The following CCNH variants were observed in gnomAD, a reference collection of about 807,000 sequenced individuals.
CCNH encodes cyclin H.
A neutral mutation model predicts 41.9 loss-of-function variants in CCNH; 31 were observed. The observed-to-expected ratio is 0.74, with a 90% confidence interval of 0.56 to 1.00. The LOEUF is 1.00. Ranked by LOEUF, CCNH falls within the 50% of genes least tolerant of loss-of-function variation. The probability of loss-of-function intolerance (pLI) is 0.00; values close to 1 mark genes in which losing one functional copy is unlikely to be tolerated. For synonymous variants in CCNH, 138 were observed against 136.1 expected (o/e 1.01, Z -0.10); for missense variants, 362 against 388.4 (o/e 0.93, Z 0.57).
chr5:87,331,980 T>C (rs1757634533), intron 9 of CCNH, among the ~76,000 whole-genome samples: 1 of 152,164 alleles, frequency 6.6e-6, no homozygotes, highest in Non-Finnish European at 1.5e-5. Flanking sequence ...CCATATTGTA[T>C]TGTTTCATTT....
intron 9 of CCNH, among the ~76,000 whole-genome samples, chr5:87,385,087 G>A (rs1761976974): frequency 6.6e-6 from 1 of 152,058 alleles, no homozygotes; most frequent in Non-Finnish European, 1.5e-5. Context: ...GCACTGATAA[G>A]CATATTCACT....
At chr5:87,409,205 TCA>T in intron 3 of CCNH, 83 bp downstream of exon 3, 1 of 677,528 alleles carries the variant, frequency 1.5e-6, no homozygotes. Context: ...TCTCTCTCTC[TCA>T]CAATTCTCTC....
intron 9 of CCNH, among the ~76,000 whole-genome samples, chr5:87,370,995 G>A (rs1393196168): frequency 6.6e-6 from 1 of 152,086 alleles, no homozygotes; most frequent in Non-Finnish European, 1.5e-5. Context: ...ATTTTTAGAT[G>A]AGAAAGGTAG....
intron 7 of CCNH, among the ~76,000 whole-genome samples, chr5:87,395,688 G>A (rs1762901165): frequency 6.6e-6 from 1 of 152,132 alleles, no homozygotes; most frequent in African/African-American, 2.4e-5. Flanking sequence ...CCTGAGCAAT[G>A]TGGCGAAACC....
intron 9 of CCNH, chr5:87,331,383 A>G (rs1466630342): frequency 1.2e-6 from 2 of 1,612,530 alleles, no homozygotes; most frequent in Non-Finnish European, 1.7e-6. Context: ...ACGATAGCAG[A>G]AGAACGCCTC....
intron 9 of CCNH, chr5:87,337,832 G>T: frequency 1.2e-6 from 1 of 820,968 alleles, no homozygotes; most frequent in Non-Finnish European, 1.7e-6. Flanking sequence ...CCAGAAATAG[G>T]ATACAAATTT....
exon 1 of CCNH, chr5:87,376,798 G>A: frequency 4.3e-6 from 6 of 1,398,850 alleles, no homozygotes; most frequent in Non-Finnish European, 6.0e-6. Context: ...AAGAACTTGT[G>A]AAAGAACATA....
At chr5:87,381,424 A>G (rs574290689), upstream of CCNH, among the ~76,000 whole-genome samples, 22 of 152,344 alleles carry the variant, frequency 1.4e-4, no homozygotes, top group African/African-American at 5.1e-4. Flanking sequence ...GGAATACAGC[A>G]GTTTTCTAAT....
In CCNH at chr5:87,376,786, A is replaced by T; in HGVS notation, n.395T>A. The T allele has an allele frequency of 4.5e-6, 6 of 1,341,592 alleles. No homozygotes were observed. The South Asian group carries it at 5.1e-5, about 11-fold the overall frequency. The allele number at this position is 1,341,592 out of a possible 1,614,324, so 83.1% of individuals were successfully genotyped here. On this transcript the variant is annotated non_coding_transcript_exon_variant, in exon 1 of 1. Coordinates refer to the CCNH transcript ENST00000607486. ...TATTCAATGGGACATCATTTTAAAT[A>T]TAAGAACTTGTGAAAGAACATATTT...
chr5:87,410,201 C>G (rs1211699211), intron 2 of CCNH, among the ~76,000 whole-genome samples: 4 of 151,956 alleles, frequency 2.6e-5, no homozygotes, highest in Non-Finnish European at 5.9e-5. Flanking sequence ...TTATGTAAAA[C>G]AAAAAATTAT....
intron 9 of CCNH, chr5:87,383,678 T>TAAA (rs368117332): frequency 1.2e-4 from 157 of 1,318,918 alleles, no homozygotes; most frequent in Non-Finnish European, 1.5e-4. Context: ...AGGTGTTTTC[T>TAAA]AAAAAAAAAA....
chr5:87,395,627 C>G (rs1051552492), intron 7 of CCNH, among the ~76,000 whole-genome samples: 13 of 152,172 alleles, frequency 8.5e-5, no homozygotes, highest in African/African-American at 3.1e-4. Context: ...AATCCCAGCT[C>G]TTTAGGAGGC....
At position 87,394,438 on chromosome 5, in the gene CCNH, TC is replaced by T. The variant is rs1762756139; in HGVS notation, c.*7del. ...ATTAGTTAGCATTGAGAAATCAACT[TC>T]AAATGGTTAGAGAGATTCTACCAGG... is the stretch of plus-strand genomic sequence containing the variant. On this transcript the variant is annotated 3_prime_UTR_variant, in exon 9 of 9. Coordinates refer to ENST00000256897, the MANE Select transcript of CCNH (RefSeq NM_001239.4). 6.2e-7 allele frequency: 1 copy of T among 1,612,276 alleles called. No homozygotes were observed. The highest frequency in any genetic ancestry group is 1.7e-5 in the Admixed American group (1 of 59,932).
intron 6 of CCNH, among the ~76,000 whole-genome samples, chr5:87,400,648 TA>T (rs1194315498): frequency 2.0e-5 from 3 of 152,234 alleles, no homozygotes; most frequent in African/African-American, 7.2e-5. Flanking sequence ...TGAAGCATCT[TA>T]AATTTTAAAA....
chr5:87,409,304 G>A lies in CCNH; in HGVS notation c.300C>T (p.His100=). Residue 100 remains histidine (H), a synonymous_variant, in exon 3 of 9, where the codon CAC becomes CAT. Coordinates refer to ENST00000256897, the MANE Select transcript of CCNH (RefSeq NM_001239.4). ...FYLNNSVMEY[H]PRIIMLTCAF... ...GACATACTCACATTATTATCCTGGGGTGATATTCCATTACTGAGTTATTAA... is the reference window on the plus strand; with the variant it reads ...GACATACTCACATTATTATCCTGGGATGATATTCCATTACTGAGTTATTAA... 1.9e-6 allele frequency: 3 copies of A among 1,552,986 alleles called. No individual in the cohort carries two copies. Among genetic ancestry groups the A allele is most frequent in the Non-Finnish European group, 2.7e-6 (3 of 1,125,874 alleles).
intron 9 of CCNH, among the ~76,000 whole-genome samples, chr5:87,351,928 A>G (rs1455139095): frequency 6.6e-6 from 1 of 151,798 alleles, no homozygotes; most frequent in Non-Finnish European, 1.5e-5. Context: ...TACTGAGCCC[A>G]AAAACCTTTG....
upstream of CCNH, among the ~76,000 whole-genome samples, chr5:87,380,042 C>T (rs1015929789): frequency 3.3e-5 from 5 of 152,150 alleles, no homozygotes; most frequent in Admixed American, 6.5e-5. Context: ...TATTTTCGTA[C>T]AAGCCAATAT....
At chr5:87,326,869 GA>G (rs1213490221) in intron 9 of CCNH, among the ~76,000 whole-genome samples, 2 of 151,948 alleles carry the variant, frequency 1.3e-5, no homozygotes, top group Non-Finnish European at 2.9e-5. Flanking sequence ...TGCCTTAGTA[GA>G]AAAAAAGATT....
chr5:87,375,998 C>T (rs1417043264), downstream of CCNH, among the ~76,000 whole-genome samples: 2 of 152,150 alleles, frequency 1.3e-5, no homozygotes, highest in Non-Finnish European at 1.5e-5. Flanking sequence ...CTCTAGATCT[C>T]GTCCGCTCAA....
Sources: allele counts gnomAD v4.1 joint callset (sites outside exome capture counted in the v4.1 genomes callset), GRCh38; gene constraint gnomAD v4.1.1; transcripts MANE v1.5; gene names NCBI Gene and HGNC (gene_info 2026-07-23, HGNC 2026-07-21).